The following SRPRB variants were observed in gnomAD, a reference collection of about 807,000 sequenced individuals.
SRPRB encodes signal recognition particle receptor subunit beta.
SRPRB carries 20 observed loss-of-function variants against 31.9 expected under a neutral mutation model. That is an observed-to-expected ratio of 0.63 (90% confidence interval 0.44 to 0.91). SRPRB has a LOEUF of 0.91. SRPRB is among the 40% of genes least tolerant of loss of function. SRPRB has a pLI of 0.00. For missense variants in SRPRB, 321 were observed against 324.9 expected (o/e 0.99, Z 0.09); for synonymous variants, 146 against 132.8 (o/e 1.10, Z -0.68).
At chr3:133,811,036 T>G (rs1935253041) in intron 3 of SRPRB, 81 bp from the exon 4 acceptor site, 1 of 1,338,638 alleles carries the variant, frequency 7.5e-7, no homozygotes, top group Non-Finnish European at 1.0e-6. Context: ...ACCAGTTTGG[T>G]AGCCAATATA....
At chr3:133,806,093 G>A in intron 1 of SRPRB, 91 bp downstream of exon 1, 1 of 1,515,370 alleles carries the variant, frequency 6.6e-7, no homozygotes, top group Non-Finnish European at 8.9e-7. Flanking sequence ...GCGGGGCTGA[G>A]AGGGCGCCTT....
At chr3:133,828,351 G>A (rs1935605187), downstream of SRPRB, 4 of 351,178 alleles carry the variant, frequency 1.1e-5, no homozygotes, top group African/African-American at 8.5e-5. Flanking sequence ...CTGGGGATAG[G>A]AGGAAGGCAG....
At chr3:133,805,811 C>A, upstream of SRPRB, 1 of 1,578,388 alleles carries the variant, frequency 6.3e-7, no homozygotes, top group East Asian at 2.2e-5. Context: ...TGCAGGGCCA[C>A]GTCGCTTTTG....
At chr3:133,825,596 T>A (rs1576388887), downstream of SRPRB, 1 of 152,360 alleles carries the variant, frequency 6.6e-6, no homozygotes, top group Non-Finnish European at 1.5e-5. Flanking sequence ...ACCTTCATGT[T>A]GATGTATGTA....
At chr3:133,816,634 T>C (rs1166937874) in intron 5 of SRPRB, among the ~76,000 whole-genome samples, 1 of 152,216 alleles carries the variant, frequency 6.6e-6, no homozygotes. Context: ...TGGAGAACTT[T>C]AGGGAAAGCT....
At chr3:133,828,396 G>C, downstream of SRPRB, 1 of 357,028 alleles carries the variant, frequency 2.8e-6, no homozygotes. Flanking sequence ...CAGGAAGGAG[G>C]AGGTGTGTGG....
upstream of SRPRB, among the ~76,000 whole-genome samples, chr3:133,803,674 C>G (rs368239364): frequency 6.8e-6 from 1 of 146,882 alleles, no homozygotes; most frequent in East Asian, 2.0e-4. Context: ...TTTTTTTTTC[C>G]TTTTTTTGGA....
At chr3:133,819,363 G>A (rs775135456) in intron 6 of SRPRB, among the ~76,000 whole-genome samples, 190 bp from the exon 7 acceptor site, 4 of 64,234 alleles carry the variant, frequency 6.2e-5, no homozygotes, top group Admixed American at 3.7e-4. Context: ...CCCCCAGCCC[G>A]CCCCACCTAC....
chr3:133,822,616 GT>G (rs1375261097), downstream of SRPRB, among the ~76,000 whole-genome samples: 3 of 152,180 alleles, frequency 2.0e-5, no homozygotes, highest in African/African-American at 7.2e-5. Flanking sequence ...GGCTGTCAGT[GT>G]TCCCCTGTGG....
rs1479165377 is a variant in SRPRB at position 133,805,887 on chromosome 3, C to T, written c.39C>T (p.Gly13=). The T allele has an allele frequency of 5.6e-6, 9 of 1,612,492 alleles. No individual in the cohort carries two copies. Among genetic ancestry groups the T allele is most frequent in the Admixed American group, 1.7e-5 (1 of 59,710 alleles). The change falls in exon 1 of 7, where the codon GGC becomes GGT. Residue 13 remains glycine, a synonymous_variant. Transcript: ENST00000678299. Reference sequence around the variant, plus strand: ...ACTCGCGCCGGGTGGCAGATGGCGGCGGTGCCGGGGGCACCTTCCAGCCCT... The same window carrying T: ...ACTCGCGCCGGGTGGCAGATGGCGGTGGTGCCGGGGGCACCTTCCAGCCCT... ...SADSRRVADG[G]GAGGTFQPYL...
At chr3:133,806,088 G>A in intron 1 of SRPRB, 86 bp downstream of exon 1, 1 of 1,520,812 alleles carries the variant, frequency 6.6e-7, no homozygotes, top group South Asian at 1.3e-5. Context: ...GGGACGCGGG[G>A]CTGAGAGGGC....
intron 1 of SRPRB, chr3:133,793,342 A>C (rs1257045309): frequency 6.6e-6 from 1 of 152,092 alleles, no homozygotes; most frequent in Non-Finnish European, 1.5e-5. Flanking sequence ...TAAATCTTTA[A>C]CATATTTAAT....
chr3:133,806,141 C>T, intron 1 of SRPRB, 139 bp downstream of exon 1: 1 of 1,147,254 alleles, frequency 8.7e-7, no homozygotes, highest in Non-Finnish European at 1.2e-6. Flanking sequence ...CAGTCTACAC[C>T]CCACCCTCTC....
At chr3:133,797,247 G>A (rs2107961045) in intron 1 of SRPRB, among the ~76,000 whole-genome samples, 1 of 152,256 alleles carries the variant, frequency 6.6e-6, no homozygotes, top group East Asian at 1.9e-4. Context: ...AAAATTCATA[G>A]GAAAGATTGT....
At chr3:133,792,084 A>G (rs913804145) in intron 1 of SRPRB, 3 of 152,210 alleles carry the variant, frequency 2.0e-5, no homozygotes, top group African/African-American at 7.2e-5. Flanking sequence ...TTAAGGTCAT[A>G]AACCGCTTCT....
At chr3:133,806,425 A>G (rs1576381366) in intron 1 of SRPRB, 184 bp from the exon 2 acceptor site, 1 of 568,644 alleles carries the variant, frequency 1.8e-6, no homozygotes, top group South Asian at 2.4e-5. Context: ...AAAAGTTGAC[A>G]GTTGACAGTG....
intron 4 of SRPRB, among the ~76,000 whole-genome samples, chr3:133,814,033 T>C (rs1334889613): frequency 2.0e-5 from 3 of 152,256 alleles, no homozygotes; most frequent in Non-Finnish European, 4.4e-5. Flanking sequence ...GTTGTAGGCT[T>C]TGTGCAGGGC....
rs1277575461 is a variant in SRPRB, at chr3:133,806,679, C to T, written c.225C>T (p.Ser75=). ...RAVLLVGLCD[S]GKTLLFVRLL... ...TTCTTCTTGTTGGCCTTTGTGATTC[C>T]GGGAAAACGTTGCTCTTTGTCAGGG... Residue 75 remains serine (S), a synonymous_variant, in exon 2 of 7, where the codon TCC becomes TCT. Transcript: ENST00000678299. The T allele has an allele frequency of 9.3e-6, 15 of 1,613,858 alleles. No homozygotes were observed. The highest frequency in any genetic ancestry group is 1.3e-5 in the African/African-American group (1 of 74,880).
At chr3:133,788,530 A>T (rs952855129) in intron 1 of SRPRB, 16 of 152,216 alleles carry the variant, frequency 1.1e-4, no homozygotes, top group African/African-American at 3.6e-4. Flanking sequence ...ATATGCCCAG[A>T]ACCTGGACAC....
Sources: gnomAD v4.1 joint callset for allele counts (sites outside exome capture counted in the v4.1 genomes callset) on GRCh38, gnomAD v4.1.1 for gene constraint, MANE v1.5 for transcripts, NCBI Gene and HGNC (gene_info 2026-07-23, HGNC 2026-07-21) for gene names.